The following GGT5 variants were observed in gnomAD, a reference collection of about 807,000 sequenced individuals.
GGT5 encodes gamma-glutamyltransferase 5.
A neutral mutation model predicts 58.1 loss-of-function variants in GGT5; 50 were observed. The ratio of observed to expected loss-of-function variants is 0.86; its 90% CI spans 0.69 to 1.09. The LOEUF is 1.09. GGT5 is among the 50% of genes least tolerant of loss of function. The probability of loss-of-function intolerance (pLI) is 0.00; values close to 1 mark genes in which losing one functional copy is unlikely to be tolerated. For missense variants in GGT5, 800 were observed against 789.4 expected (o/e 1.01, Z -0.16); for synonymous variants, 370 against 346.1 (o/e 1.07, Z -0.77).
rs375314554 is a variant in GGT5 at position 24,233,960 on chromosome 22, G to A, written c.218C>T (p.Ala73Val). ...QQGSPVDATIAALVCTSVVNP... is the reference protein window; with the variant it reads ...QQGSPVDATIVALVCTSVVNP... ...GACGACGCTGGTGCAGACCAGAGCCGCGATGGTGGCATCCACGGGTGAGCC... is the reference window on the plus strand; with the variant it reads ...GACGACGCTGGTGCAGACCAGAGCCACGATGGTGGCATCCACGGGTGAGCC... Residue 73 changes from alanine to valine, a missense_variant, in exon 2 of 12, where the codon GCG becomes GTG. Coordinates refer to ENST00000327365, the MANE Select transcript of GGT5 (RefSeq NM_004121.5). The A allele has an allele frequency of 3.0e-5, 49 of 1,613,336 alleles. No individual in the cohort carries two copies. Among genetic ancestry groups the A allele is most frequent in the Middle Eastern group, 1.7e-4 (1 of 5,936 alleles).
At chr22:24,226,866 A>G (rs994462011) in intron 6 of GGT5, 99 bp from the exon 7 acceptor site, 1 of 970,540 alleles carries the variant, frequency 1.0e-6, no homozygotes, top group African/African-American at 1.6e-5. Flanking sequence ...CCCACATCCT[A>G]ATTCCCAAAA....
At chr22:24,237,874 A>T (rs2048144932) in intron 1 of GGT5, among the ~76,000 whole-genome samples, 1 of 152,216 alleles carries the variant, frequency 6.6e-6, no homozygotes, top group Non-Finnish European at 1.5e-5. Flanking sequence ...TAAAATAAGT[A>T]CTTTGTATCT....
At chr22:24,233,637 C>T (rs771438562) in intron 2 of GGT5, 44 bp from the exon 3 acceptor site, 8 of 1,172,382 alleles carry the variant, frequency 6.8e-6, no homozygotes, top group South Asian at 1.4e-5. Context: ...ACCCTGCAGA[C>T]AGCCCCTGGC....
At position 24,219,790 on chromosome 22, in the gene GGT5, G is replaced by A. The variant is rs1183841796; in HGVS notation, c.*180C>T. 3.2e-6 allele frequency: 2 copies of A among 616,204 alleles called. No homozygotes were observed. The highest frequency in any genetic ancestry group is 5.7e-6 in the Non-Finnish European group (2 of 353,664). 38.2% of individuals were successfully genotyped at this position (616,204 alleles called of 1,614,324 possible). A position where few individuals can be genotyped will look rare whatever the true frequency, so the allele number is the denominator to read the frequency against. On this transcript the variant is annotated 3_prime_UTR_variant, in exon 12 of 12. Coordinates refer to ENST00000327365, the MANE Select transcript of GGT5 (RefSeq NM_004121.5). ...ACCACCAGGGGCTCTGGGAAAGGGG[G>A]TTAGGGATGAGGCTCAGCCTCTCAT...
At chr22:24,226,540 T>A in intron 7 of GGT5, 91 bp downstream of exon 7, 1 of 1,387,832 alleles carries the variant, frequency 7.2e-7, no homozygotes, top group Non-Finnish European at 1.0e-6. Context: ...TCCCTCCAAC[T>A]TCCCCCTACC....
intron 1 of GGT5, among the ~76,000 whole-genome samples, chr22:24,240,367 C>T (rs561284537): frequency 2.0e-4 from 30 of 151,802 alleles, no homozygotes; most frequent in Non-Finnish European, 3.8e-4. Flanking sequence ...TTTAAAAGGA[C>T]AATCAATAAA....
In GGT5 at chr22:24,233,030, A is replaced by G. The variant is rs2047995416; in HGVS notation, c.401-12T>C. The G allele has an allele frequency of 1.3e-6, 2 of 1,494,402 alleles. No homozygotes were observed. Among genetic ancestry groups the G allele is most frequent in the Non-Finnish European group, 1.8e-6 (2 of 1,115,724 alleles). The allele number at this position is 1,494,402 out of a possible 1,614,324, so 92.6% of individuals were successfully genotyped here. A position where few individuals can be genotyped will look rare whatever the true frequency, so the allele number is the denominator to read the frequency against. On this transcript the variant is annotated splice_polypyrimidine_tract_variant and intron_variant, in intron 3 of 11. Coordinates refer to ENST00000327365, the MANE Select transcript of GGT5 (RefSeq NM_004121.5). ...GATCCACTGGGCCCCTGCATGGCAC[A>G]TCCCAGCTCTCAACCCTGTGGCTTC...
At position 24,220,023 on chromosome 22, in the gene GGT5, A is replaced by G. The variant is rs1400413165; in HGVS notation, c.1708T>C (p.Cys570Arg). The change falls in exon 12 of 12, where the codon TGT (cysteine) becomes CGT (arginine). Residue 570 changes from cysteine to arginine, a missense_variant. Coordinates refer to ENST00000327365, the MANE Select transcript of GGT5 (RefSeq NM_004121.5). ...CTCAGGTCCGAGACGGCGTACACACAGGCCCCCTCCTGGGACACAGCCTGG... is the reference window on the plus strand; with the variant it reads ...CTCAGGTCCGAGACGGCGTACACACGGGCCCCCTCCTGGGACACAGCCTGG... ...VVQAVSQEGA[C>R]VYAVSDLRKS... 1 of 1,613,936 alleles carries G rather than the reference A, an allele frequency of 6.2e-7. No homozygotes were observed. The highest frequency in any genetic ancestry group is 1.3e-5 in the African/African-American group (1 of 74,932).
chr22:24,232,661 G>A (rs185442463), intron 4 of GGT5, among the ~76,000 whole-genome samples, 162 bp downstream of exon 4: 6 of 152,118 alleles, frequency 3.9e-5, no homozygotes, highest in Non-Finnish European at 7.4e-5. Flanking sequence ...GCTCTGCCAC[G>A]GGGAGCTGGA....
Position 24,226,139 on chromosome 22 carries a change from G to A in GGT5, c.1166C>T (p.Ser389Phe). ...AEAWGHGTGT[S>F]HVSVLGEDGS... ...ATCCTCCCCCAGCACAGACACATGG[G>A]ACGTGCCTGTCCCGTGGCCCCAGGC... Residue 389 changes from serine (S) to phenylalanine (F), a missense_variant, in exon 8 of 12, where the codon TCC becomes TTC. By Grantham distance (155) the Ser-to-Phe change is radical (BLOSUM62 -2). Transcript: ENST00000327365. 1 of 1,611,148 alleles carries A rather than the reference G, an allele frequency of 6.2e-7. No homozygotes were observed. The highest frequency in any genetic ancestry group is 2.2e-5 in the East Asian group (1 of 44,850).
intron 1 of GGT5, among the ~76,000 whole-genome samples, chr22:24,239,079 C>T (rs1438422882): frequency 1.4e-5 from 2 of 143,568 alleles, no homozygotes; most frequent in African/African-American, 5.2e-5. Context: ...GTGGCTCACG[C>T]CTGTAATCCC....
At chr22:24,221,849 C>T (rs2047598686) in intron 11 of GGT5, among the ~76,000 whole-genome samples, 1 of 152,022 alleles carries the variant, frequency 6.6e-6, no homozygotes, top group South Asian at 2.1e-4. Context: ...ACTCCTGGCT[C>T]ATTGGCTTCC....
chr22:24,229,045 C>T lies in GGT5; in HGVS notation c.902-2278G>A, dbSNP rs931112874. ...CAGAGGTTGCAGTGAGCTGAGATCG[C>T]GCAATTGCACTCCACTCCAGCCTGG... On this transcript the variant is annotated intron_variant, in intron 6 of 11. Coordinates refer to ENST00000327365, the MANE Select transcript of GGT5 (RefSeq NM_004121.5). Among the ~76,000 whole-genome samples, 8 of 150,976 alleles carry T rather than the reference C, an allele frequency of 5.3e-5. No homozygotes were observed. The East Asian group carries it at 1.2e-3, about 22-fold the overall frequency.
intron 6 of GGT5, 46 bp downstream of exon 6, chr22:24,231,338 G>C: frequency 7.2e-7 from 1 of 1,394,776 alleles, no homozygotes; most frequent in Non-Finnish European, 9.8e-7. Flanking sequence ...GGGGCCGGGG[G>C]TGCGGGGGAG....
At chr22:24,222,152 C>T (rs2047607990) in intron 11 of GGT5, among the ~76,000 whole-genome samples, 1 of 152,000 alleles carries the variant, frequency 6.6e-6, no homozygotes, top group Non-Finnish European at 1.5e-5. Flanking sequence ...GCACTCCAGC[C>T]TGGGTGACAG....
intron 6 of GGT5, among the ~76,000 whole-genome samples, chr22:24,230,478 A>C (rs1358680204): frequency 6.6e-6 from 1 of 152,098 alleles, no homozygotes; most frequent in Non-Finnish European, 1.5e-5. Flanking sequence ...GAATCACTTG[A>C]ACCCAGGAAG....
intron 1 of GGT5, among the ~76,000 whole-genome samples, chr22:24,234,905 T>C (rs2048052570): frequency 6.6e-6 from 1 of 151,830 alleles, no homozygotes; most frequent in South Asian, 2.1e-4. Flanking sequence ...CAGCAAGAGG[T>C]GGGCCCTTTA....
At chr22:24,240,618 A>T (rs2048302346) in intron 1 of GGT5, among the ~76,000 whole-genome samples, 2 of 151,914 alleles carry the variant, frequency 1.3e-5, no homozygotes, top group Admixed American at 6.6e-5. Context: ...CCTCCCAAGT[A>T]GCTGGGACTA....
chr22:24,224,666 G>C (rs915085351), intron 11 of GGT5, among the ~76,000 whole-genome samples: 6 of 152,164 alleles, frequency 3.9e-5, no homozygotes, highest in African/African-American at 1.2e-4. Context: ...CAAGGAAAAA[G>C]TCACCATGAG....
Sources: allele counts gnomAD v4.1 joint callset (sites outside exome capture counted in the v4.1 genomes callset), GRCh38; gene constraint gnomAD v4.1.1; transcripts MANE v1.5; gene names NCBI Gene and HGNC (gene_info 2026-07-23, HGNC 2026-07-21).